The following TBC1D26 variants were observed in gnomAD, a reference collection of about 807,000 sequenced individuals.
TBC1D26 encodes TBC1 domain family, member 26.
A neutral mutation model predicts 42.5 loss-of-function variants in TBC1D26; 19 were observed. The observed-to-expected ratio is 0.45, with a 90% CI of 0.31 to 0.66. TBC1D26 has a LOEUF of 0.66. TBC1D26 is among the 30% of genes least tolerant of loss of function. The pLI is 0.06. For missense variants in TBC1D26, 228 were observed against 332.6 expected, an observed-to-expected ratio of 0.69 and a Z score of 2.45; for synonymous variants, 97 against 123.5, an observed-to-expected ratio of 0.79 and a Z score of 1.42.
rs1231857961 is a variant in TBC1D26 at position 15,732,381 on chromosome 17, T to C, written c.-146T>C. The C allele has an allele frequency of 1.3e-4, 18 of 143,858 alleles. No individual in the cohort carries two copies. Among genetic ancestry groups the C allele is most frequent in the African/African-American group, 4.1e-4 (16 of 39,002 alleles). The allele number at this position is 143,858 out of a possible 1,614,324, so 8.9% of individuals were successfully genotyped here. A position where few individuals can be genotyped will look rare whatever the true frequency, so the allele number is the denominator to read the frequency against. ...GAGAGACACAACTGACTCAACTGAC[T>C]CAGGTGAGTGTGACCTGCTCTGTTC... On this transcript the variant is annotated 5_prime_UTR_variant, in exon 1 of 15. Transcript: ENST00000437605.
At chr17:15,740,610 T>G in intron 9 of TBC1D26, 1 of 1,087,644 alleles carries the variant, frequency 9.2e-7, no homozygotes, top group Non-Finnish European at 1.1e-6. Flanking sequence ...TGGCTGTTCC[T>G]GCTTGGCCCC....
chr17:15,734,216 GA>G (rs1187792290), intron 1 of TBC1D26: 1 of 151,666 alleles, frequency 6.6e-6, no homozygotes, highest in East Asian at 1.9e-4. Context: ...CTCTACCCTA[GA>G]TTCCAAATCT....
chr17:15,738,628 C>T, intron 7 of TBC1D26, 93 bp from the exon 8 acceptor site: 1 of 1,568,998 alleles, frequency 6.4e-7, no homozygotes, highest in South Asian at 1.1e-5. Flanking sequence ...TTCCTTCCTT[C>T]CAGAAGTGCT....
chr17:15,733,249 G>T (rs1038318478), intron 1 of TBC1D26, among the ~76,000 whole-genome samples: 9 of 151,802 alleles, frequency 5.9e-5, no homozygotes, highest in African/African-American at 1.9e-4. Context: ...GTTAGTGGGG[G>T]CCTGGCCAGA....
At chr17:15,742,137 GCCA>G (rs1267212166) in intron 11 of TBC1D26, 101 bp downstream of exon 11, 1 of 955,558 alleles carries the variant, frequency 1.0e-6, no homozygotes, top group African/African-American at 1.6e-5. Context: ...CTGAGTCCCA[GCCA>G]CGGCCTGACC....
intron 8 of TBC1D26, 30 bp from the exon 9 acceptor site, chr17:15,740,070 A>C (rs202103205): frequency 0.02 from 31,577 of 1,597,904 alleles, 354 homozygotes; most frequent in African/African-American, 0.039. Flanking sequence ...ACACACACAA[A>C]AAAAAAACCC....
In TBC1D26 at chr17:15,736,237, C is replaced by T. The variant is rs1287586044; in HGVS notation, c.158+558C>T. Among the ~76,000 whole-genome samples the T allele has an allele frequency of 4.6e-5, 7 of 152,218 alleles. No homozygotes were observed. The East Asian group carries it at 7.7e-4, about 17-fold the overall frequency. On this transcript the variant is annotated intron_variant, in intron 4 of 14. Coordinates refer to ENST00000437605, the MANE Select transcript of TBC1D26 (RefSeq NM_001388465.1). ...CAACAGAGCATGCAACTGAAGGCCC[C>T]GGGAGTGGTGCAGGGAAGGGACCTG...
chr17:15,735,313 G>A, intron 2 of TBC1D26, 35 bp from the exon 3 acceptor site: 3 of 1,606,656 alleles, frequency 1.9e-6, no homozygotes, highest in Non-Finnish European at 1.7e-6. Context: ...GAGCTCTTGG[G>A]TGCGGGAGAG....
Position 15,740,166 on chromosome 17 carries a change from G to C in TBC1D26, c.546+18G>C. ...ATAACCCTGTGAGTATTCCCGGGCA[G>C]CGATATTCCTGGGACATGTGCCCAT... is the stretch of plus-strand genomic sequence containing the variant. On this transcript the variant is annotated intron_variant, in intron 9 of 14. Coordinates refer to ENST00000437605, the MANE Select transcript of TBC1D26 (RefSeq NM_001388465.1). 1 of 1,614,170 alleles carries C rather than the reference G, an allele frequency of 6.2e-7. No homozygotes were observed. Among genetic ancestry groups the C allele is most frequent in the African/African-American group, 1.3e-5 (1 of 75,036 alleles).
At chr17:15,742,754 G>C (rs543252090) in intron 12 of TBC1D26, among the ~76,000 whole-genome samples, 155 bp from the exon 13 acceptor site, 1 of 152,324 alleles carries the variant, frequency 6.6e-6, no homozygotes, top group Admixed American at 6.5e-5. Flanking sequence ...CTCACAAGGA[G>C]CTACAGGACC....
chr17:15,743,662 A>G (rs1356655114), intron 14 of TBC1D26, 146 bp downstream of exon 14: 1 of 186,472 alleles, frequency 5.4e-6, no homozygotes, highest in Non-Finnish European at 1.0e-5. Context: ...AGAAAGTCAG[A>G]TGGGTCTGCC....
Position 15,740,069 on chromosome 17 carries a change from A to AC in TBC1D26, c.498-31_498-30insC, listed in dbSNP as rs374650936. ...AATTGACAGCGTCTGCACACACACA[A>AC]AAAAAAAACCCTCTTTCCCCTCTTT... On this transcript the variant is annotated intron_variant, in intron 8 of 14. Coordinates refer to ENST00000437605, the MANE Select transcript of TBC1D26 (RefSeq NM_001388465.1). 32 of 1,363,222 alleles carry AC rather than the reference A, an allele frequency of 2.3e-5. No homozygotes were observed. The East Asian group carries it at 3.2e-4, about 14-fold the overall frequency. 84.4% of individuals were successfully genotyped at this position (1,363,222 alleles called of 1,614,324 possible).
chr17:15,743,318 T>C (rs991491208), intron 13 of TBC1D26, 49 bp from the exon 14 acceptor site: 8 of 963,788 alleles, frequency 8.3e-6, no homozygotes, highest in Admixed American at 6.2e-5. Flanking sequence ...GTGCAGGCAC[T>C]GTCCCCTCCC....
At chr17:15,741,622 A>C in intron 10 of TBC1D26, 1 of 478,752 alleles carries the variant, frequency 2.1e-6, no homozygotes, top group Non-Finnish European at 3.8e-6. Context: ...GTGTCTGCCC[A>C]TCCCATGTCC....
At position 15,740,124 on chromosome 17, in the gene TBC1D26, C is replaced by G. The variant is rs372997102; in HGVS notation, c.522C>G (p.Leu174=). The G allele has an allele frequency of 1.2e-6, 2 of 1,614,050 alleles. No individual in the cohort carries two copies. Among genetic ancestry groups the G allele is most frequent in the Non-Finnish European group, 1.7e-6 (2 of 1,179,982 alleles). ...GVKQQELCDI[L]VAYSAYNPEV... ...GGCAGCAGGAATTATGTGACATCCTCGTGGCCTATTCTGCATATAACCCTG... is the reference window on the plus strand; with the variant it reads ...GGCAGCAGGAATTATGTGACATCCTGGTGGCCTATTCTGCATATAACCCTG... Residue 174 remains leucine (L), a synonymous_variant, in exon 9 of 15, where the codon CTC becomes CTG. Coordinates refer to ENST00000437605, the MANE Select transcript of TBC1D26 (RefSeq NM_001388465.1).
At chr17:15,741,250 A>G in intron 10 of TBC1D26, 29 bp downstream of exon 10, 1 of 1,612,794 alleles carries the variant, frequency 6.2e-7, no homozygotes, top group South Asian at 1.1e-5. Context: ...GGGTAGGTGG[A>G]CAGCTGCCCC....
At position 15,734,845 on chromosome 17, in the gene TBC1D26, G is replaced by A. The variant is rs369143204; in HGVS notation, c.-142-85G>A. ...CCCCAAACCAAACTGCTTGGCTGGC[G>A]TTGTTCCTGAAGCGGCTTCACTGGC... On this transcript the variant is annotated intron_variant, in intron 1 of 14. Coordinates refer to ENST00000437605, the MANE Select transcript of TBC1D26 (RefSeq NM_001388465.1). 3.0e-4 allele frequency: 53 copies of A among 179,548 alleles called. No individual in the cohort carries two copies. In the East Asian group the frequency reaches 6.5e-3, roughly 22 times the overall value. The allele number at this position is 179,548 out of a possible 1,614,324, so 11.1% of individuals were successfully genotyped here.
Position 15,735,194 on chromosome 17 carries a change from G to A in TBC1D26, c.-2+124G>A, listed in dbSNP as rs945727090. ...CAAGGACTTCAGAGATCTAGTCAGG[G>A]GTGGGACCACTGAGTCTGGCCCCTG... is the stretch of plus-strand genomic sequence containing the variant. On this transcript the variant is annotated intron_variant, in intron 2 of 14. Transcript: ENST00000437605. 6.0e-5 allele frequency: 51 copies of A among 854,260 alleles called. No homozygotes were observed. In the African/African-American group the frequency reaches 8.3e-4, roughly 14 times the overall value. 52.9% of individuals were successfully genotyped at this position (854,260 alleles called of 1,614,324 possible). A position where few individuals can be genotyped will look rare whatever the true frequency, so the allele number is the denominator to read the frequency against.
At chr17:15,733,829 C>T (rs1191646262) in intron 1 of TBC1D26, 2 of 152,228 alleles carry the variant, frequency 1.3e-5, no homozygotes, top group African/African-American at 4.8e-5. Flanking sequence ...CCCACCCACT[C>T]ACCTCTGTGT....
Sources: allele counts gnomAD v4.1 joint callset (sites outside exome capture counted in the v4.1 genomes callset), GRCh38; gene constraint gnomAD v4.1.1; transcripts MANE v1.5; gene names NCBI Gene and HGNC (gene_info 2026-07-23, HGNC 2026-07-21).